Variants in FNBP1 observed in about 807,000 individuals in gnomAD.
FNBP1 encodes formin-binding protein 1.
In FNBP1, 26 loss-of-function variants were observed where a neutral mutation model predicts 90.6. The observed-to-expected ratio is 0.29, with a 90% CI of 0.21 to 0.40. The LOEUF (loss-of-function observed/expected upper bound fraction) is 0.40, where lower values mean the gene tolerates loss of function less well. FNBP1 is among the 10% of genes least tolerant of loss of function. The probability of loss-of-function intolerance (pLI) is 1.00; values close to 1 mark genes in which losing one functional copy is unlikely to be tolerated. For missense variants in FNBP1, 635 were observed against 768.0 expected (o/e 0.83, Z 2.05); for synonymous variants, 260 against 265.2 (o/e 0.98, Z 0.19).
At chr9:130,005,668 C>T (rs1325654676) in intron 1 of FNBP1, among the ~76,000 whole-genome samples, 1 of 152,106 alleles carries the variant, frequency 6.6e-6, no homozygotes, top group East Asian at 1.9e-4. Context: ...AGCAGAAATA[C>T]TCAAATATAT....
At chr9:129,938,554 T>G (rs1309243335) in intron 6 of FNBP1, among the ~76,000 whole-genome samples, 2 of 151,972 alleles carry the variant, frequency 1.3e-5, no homozygotes, top group East Asian at 1.9e-4. Flanking sequence ...TTTTTTTTTT[T>G]TGAAAACAGT....
intron 1 of FNBP1, among the ~76,000 whole-genome samples, chr9:130,015,329 T>G (rs1465601121): frequency 6.6e-6 from 1 of 152,200 alleles, no homozygotes; most frequent in Non-Finnish European, 1.5e-5. Flanking sequence ...AATTCAAAAT[T>G]TATTTACATT....
intron 6 of FNBP1, among the ~76,000 whole-genome samples, chr9:129,939,790 G>A (rs74579529): frequency 0.1 from 15,227 of 152,016 alleles, 857 homozygotes; most frequent in African/African-American, 0.16. Context: ...TCAAAGTTAC[G>A]CTCATACAAA....
At chr9:129,999,944 T>A (rs573344555) in intron 1 of FNBP1, among the ~76,000 whole-genome samples, 17 of 152,272 alleles carry the variant, frequency 1.1e-4, no homozygotes, top group Admixed American at 3.3e-4. Context: ...AAAACACAAC[T>A]TCACACAGAT....
intron 1 of FNBP1, among the ~76,000 whole-genome samples, chr9:130,009,490 A>G (rs1053772432): frequency 6.6e-6 from 1 of 152,082 alleles, no homozygotes; most frequent in East Asian, 1.9e-4. Flanking sequence ...GGGCATCTCT[A>G]CTAAACCTCA....
At chr9:130,052,945 G>C in the FNBP1 span, among the ~76,000 whole-genome samples, 1 of 151,804 alleles carries the variant, frequency 6.6e-6, no homozygotes, top group Non-Finnish European at 1.5e-5. Flanking sequence ...GAGAAACCCC[G>C]TGTCTACTAA....
chr9:129,927,505 T>C (rs4837430), intron 7 of FNBP1, among the ~76,000 whole-genome samples, 164 bp from the exon 8 acceptor site: 125,814 of 152,220 alleles, frequency 0.83, 52,258 homozygotes, highest in East Asian at 0.89. Flanking sequence ...CAGCTGTACA[T>C]TTATTTTATA....
At chr9:129,979,095 TAA>T (rs1589034286) in intron 3 of FNBP1, among the ~76,000 whole-genome samples, 1 of 152,238 alleles carries the variant, frequency 6.6e-6, no homozygotes, top group African/African-American at 2.4e-5. Flanking sequence ...AATTACATTC[TAA>T]AGTTTTCCTA....
At chr9:129,907,716 CA>C (rs1324575588) in intron 12 of FNBP1, among the ~76,000 whole-genome samples, 1 of 151,874 alleles carries the variant, frequency 6.6e-6, no homozygotes, top group African/African-American at 2.4e-5. Flanking sequence ...TGCTTTATGG[CA>C]AATGGGTTTT....
intron 11 of FNBP1, among the ~76,000 whole-genome samples, chr9:129,910,602 G>C (rs997218491): frequency 4.3e-4 from 65 of 152,116 alleles, no homozygotes; most frequent in African/African-American, 1.4e-3. Context: ...ACAAGGGCAA[G>C]GCAGGCTTGG....
chr9:129,983,464 T>A (rs752400844), intron 2 of FNBP1, among the ~76,000 whole-genome samples: 1 of 152,212 alleles, frequency 6.6e-6, no homozygotes, highest in Non-Finnish European at 1.5e-5. Flanking sequence ...AAAGATCAAC[T>A]TTCCATTGCT....
chr9:129,961,652 C>T (rs1046508890), intron 4 of FNBP1, among the ~76,000 whole-genome samples: 8 of 152,044 alleles, frequency 5.3e-5, no homozygotes, highest in Non-Finnish European at 1.0e-4. Flanking sequence ...ACTGAGACCT[C>T]TGCCTCCCTG....
At chr9:129,980,666 A>G (rs986377560) in intron 2 of FNBP1, among the ~76,000 whole-genome samples, 2 of 28,324 alleles carry the variant, frequency 7.1e-5, no homozygotes, top group African/African-American at 2.1e-4. Flanking sequence ...AGAGGTAATC[A>G]CAGAAAAAAA....
At chr9:129,970,499 C>T (rs1189129266) in intron 4 of FNBP1, among the ~76,000 whole-genome samples, 1 of 152,216 alleles carries the variant, frequency 6.6e-6, no homozygotes, top group Non-Finnish European at 1.5e-5. Context: ...AGACACTGCG[C>T]CCAGCCAATA....
intron 1 of FNBP1, among the ~76,000 whole-genome samples, chr9:130,003,010 T>C (rs1020681554): frequency 6.6e-6 from 1 of 152,218 alleles, no homozygotes; most frequent in Non-Finnish European, 1.5e-5. Context: ...TTAATCAATA[T>C]GCAATTGCTA....
At chr9:129,945,491 G>A (rs574627255) in intron 6 of FNBP1, among the ~76,000 whole-genome samples, 10 of 152,284 alleles carry the variant, frequency 6.6e-5, no homozygotes, top group African/African-American at 2.2e-4. Flanking sequence ...ATATTAACAT[G>A]TTCCATAAAG....
At chr9:129,939,855 C>T (rs910489595) in intron 6 of FNBP1, among the ~76,000 whole-genome samples, 2 of 151,788 alleles carry the variant, frequency 1.3e-5, no homozygotes, top group South Asian at 2.1e-4. Context: ...AGAGCTGATG[C>T]GATAGTAAGA....
chr9:129,920,998 A>G (rs925076535), intron 10 of FNBP1, among the ~76,000 whole-genome samples: 1 of 152,210 alleles, frequency 6.6e-6, no homozygotes, highest in Admixed American at 6.5e-5. Context: ...TCCTAATTAT[A>G]CATCTCAGCT....
At chr9:130,020,274 C>T (rs1367601310) in intron 1 of FNBP1, among the ~76,000 whole-genome samples, 1 of 152,158 alleles carries the variant, frequency 6.6e-6, no homozygotes. Flanking sequence ...GTAGCGCGAC[C>T]TTGGCTCACT....
Sources: gnomAD v4.1 joint callset for allele counts (sites outside exome capture counted in the v4.1 genomes callset) on GRCh38, gnomAD v4.1.1 for gene constraint, MANE v1.5 for transcripts, NCBI Gene and HGNC (gene_info 2026-07-23, HGNC 2026-07-21) for gene names.